The following SPINK5 variants were observed in gnomAD, a reference collection of about 807,000 sequenced individuals.
SPINK5 encodes serine peptidase inhibitor Kazal type 5, also known as serine protease inhibitor Kazal-type 5.
In SPINK5, 125 loss-of-function variants were observed where a neutral mutation model predicts 151.8. The ratio of observed to expected loss-of-function variants is 0.82; its 90% CI spans 0.71 to 0.96. The LOEUF is 0.96. SPINK5 is among the 40% of genes least tolerant of loss of function. SPINK5 has a pLI of 0.00. For synonymous variants in SPINK5, 374 were observed against 395.3 expected (o/e 0.95, Z 0.64); for missense variants, 1,194 against 1,291.9 (o/e 0.92, Z 1.16).
intron 4 of SPINK5, among the ~76,000 whole-genome samples, chr5:148,072,752 G>C (rs1230669368): frequency 6.6e-6 from 1 of 151,300 alleles, no homozygotes; most frequent in Non-Finnish European, 1.5e-5. Context: ...GCTTTTTACT[G>C]TATATGTTCC....
intron 4 of SPINK5, among the ~76,000 whole-genome samples, chr5:148,076,556 C>G (rs1752886083): frequency 6.6e-6 from 1 of 151,562 alleles, no homozygotes; most frequent in Non-Finnish European, 1.5e-5. Context: ...ATAAAATTTT[C>G]AAAGTAACAA....
At chr5:148,080,454 A>G (rs1171931696) in intron 4 of SPINK5, among the ~76,000 whole-genome samples, 1 of 151,400 alleles carries the variant, frequency 6.6e-6, no homozygotes, top group Non-Finnish European at 1.5e-5. Context: ...ATTTTGTTAT[A>G]ATGCAATAGT....
intron 10 of SPINK5, among the ~76,000 whole-genome samples, chr5:148,096,758 T>G (rs754095776): frequency 4.0e-5 from 6 of 150,984 alleles, no homozygotes; most frequent in Admixed American, 2.0e-4. Flanking sequence ...TTTTCTTTTT[T>G]TTTTTAAGAC....
intron 2 of SPINK5, among the ~76,000 whole-genome samples, chr5:148,067,942 A>G (rs538238233): frequency 2.0e-5 from 3 of 152,136 alleles, no homozygotes; most frequent in Non-Finnish European, 4.4e-5. Flanking sequence ...ATAAGCTTTC[A>G]AAATTATTTA....
At chr5:148,114,021 G>T (rs1754015267) in intron 20 of SPINK5, among the ~76,000 whole-genome samples, 3 of 152,160 alleles carry the variant, frequency 2.0e-5, no homozygotes, top group Non-Finnish European at 2.9e-5. Context: ...ATTGCCATTT[G>T]TAATTAACTC....
chr5:148,118,526 A>G lies in SPINK5; in HGVS notation c.2202A>G (p.Lys734=), dbSNP rs373932096. Residue 734 remains lysine, a synonymous_variant, in exon 23 of 33, where the codon AAA becomes AAG. Transcript: ENST00000256084. ...ATCCTGTACGTGATGCTGATGGCAA[A>G]TCGTACAACAATCAGTGTACCATGT... is the stretch of plus-strand genomic sequence containing the variant. ...ESDPVRDADG[K]SYNNQCTMCK... is the part of the protein sequence containing the mutation. 6.2e-7 allele frequency: 1 copy of G among 1,614,174 alleles called. No individual in the cohort carries two copies. Among genetic ancestry groups the G allele is most frequent in the Admixed American group, 1.7e-5 (1 of 60,028 alleles).
At position 148,120,393 on chromosome 5, in the gene SPINK5, T is replaced by A. The variant is rs763291205; in HGVS notation, c.2538+2T>A. On this transcript the variant is annotated splice_donor_variant, in intron 26 of 32. Transcript: ENST00000256084. LOFTEE classifies it high-confidence loss of function. ...GGAGAAAGGAGCAATGACAAAGAGGTAATAGATGTTAGACACGCTAATACC... is the reference window on the plus strand; with the variant it reads ...GGAGAAAGGAGCAATGACAAAGAGGAAATAGATGTTAGACACGCTAATACC... 1 of 1,593,048 alleles carries A rather than the reference T, an allele frequency of 6.3e-7. No homozygotes were observed. The highest frequency in any genetic ancestry group is 8.6e-7 in the Non-Finnish European group (1 of 1,168,700).
At chr5:148,109,406 G>A (rs35655863) in intron 18 of SPINK5, among the ~76,000 whole-genome samples, 22,167 of 151,640 alleles carry the variant, frequency 0.15, 2,107 homozygotes, top group East Asian at 0.32. Flanking sequence ...TATTATCTGT[G>A]TTTTATAGAA....
intron 26 of SPINK5, among the ~76,000 whole-genome samples, chr5:148,122,101 C>T (rs11741417): frequency 0.51 from 77,728 of 151,836 alleles, 22,038 homozygotes; most frequent in Non-Finnish European, 0.63. Flanking sequence ...TAAACCTCCC[C>T]AAAATCTATT....
At chr5:148,111,273 C>T (rs778575629) in intron 18 of SPINK5, among the ~76,000 whole-genome samples, 2 of 152,076 alleles carry the variant, frequency 1.3e-5, no homozygotes, top group African/African-American at 2.4e-5. Flanking sequence ...TCTTCCATCT[C>T]GCTCTTGCAG....
At chr5:148,085,861 A>G (rs1383481645) in intron 4 of SPINK5, among the ~76,000 whole-genome samples, 1 of 151,932 alleles carries the variant, frequency 6.6e-6, no homozygotes, top group Non-Finnish European at 1.5e-5. Context: ...GTAAATCCCT[A>G]TATAGTCCTG....
chr5:148,102,567 C>T (rs1366084138), intron 15 of SPINK5, among the ~76,000 whole-genome samples: 1 of 152,020 alleles, frequency 6.6e-6, no homozygotes, highest in African/African-American at 2.4e-5. Flanking sequence ...TCTTCTATGA[C>T]ATTTAAAAAG....
chr5:148,081,840 A>C (rs1753029834), intron 4 of SPINK5, among the ~76,000 whole-genome samples: 1 of 151,762 alleles, frequency 6.6e-6, no homozygotes, highest in African/African-American at 2.4e-5. Flanking sequence ...TGATTTGTAC[A>C]TTACTATTAT....
At chr5:148,112,459 G>A (rs1753962896) in intron 19 of SPINK5, among the ~76,000 whole-genome samples, 1 of 152,076 alleles carries the variant, frequency 6.6e-6, no homozygotes, top group Non-Finnish European at 1.5e-5. Context: ...CAGATGACGA[G>A]GTCAAGAGAT....
intron 18 of SPINK5, among the ~76,000 whole-genome samples, chr5:148,109,616 A>G (rs1208303419): frequency 6.6e-6 from 1 of 152,036 alleles, no homozygotes; most frequent in East Asian, 1.9e-4. Flanking sequence ...TTTAAGGCCC[A>G]TGATGCACTT....
intron 6 of SPINK5, 34 bp from the exon 7 acceptor site, chr5:148,089,460 T>C (rs1472907354): frequency 6.2e-7 from 1 of 1,602,688 alleles, no homozygotes; most frequent in Non-Finnish European, 8.5e-7. Flanking sequence ...ATTACAATCT[T>C]GGTAAGTTTC....
At chr5:148,135,613 G>A (rs1405993599) in intron 32 of SPINK5, among the ~76,000 whole-genome samples, 2 of 152,176 alleles carry the variant, frequency 1.3e-5, no homozygotes, top group Non-Finnish European at 2.9e-5. Flanking sequence ...CTGGACACAG[G>A]TGGAACTTCA....
At chr5:148,089,272 A>C in intron 6 of SPINK5, 1 of 613,914 alleles carries the variant, frequency 1.6e-6, no homozygotes, top group East Asian at 3.6e-5. Context: ...TCTGGCACAT[A>C]GTAGGTTATC....
At chr5:148,116,508 C>T (rs981478290) in intron 22 of SPINK5, 42 bp downstream of exon 22, 1 of 1,580,194 alleles carries the variant, frequency 6.3e-7, no homozygotes, top group African/African-American at 1.3e-5. Flanking sequence ...GCGGGCTCAA[C>T]TCCTTGACAA....
Sources: gnomAD v4.1 joint callset for allele counts (sites outside exome capture counted in the v4.1 genomes callset) on GRCh38, gnomAD v4.1.1 for gene constraint, MANE v1.5 for transcripts, NCBI Gene and HGNC (gene_info 2026-07-23, HGNC 2026-07-21) for gene names.